NUP58: variants seen among roughly 807,000 people sequenced by gnomAD.
The protein encoded by NUP58 is nucleoporin p58/p45.
A neutral mutation model predicts 70.1 loss-of-function variants in NUP58; 17 were observed. The observed-to-expected ratio is 0.24, with a 90% CI of 0.17 to 0.36. The LOEUF (loss-of-function observed/expected upper bound fraction) is 0.36, where lower values mean the gene tolerates loss of function less well. NUP58 is among the 10% of genes least tolerant of loss of function. NUP58 has a pLI of 1.00. For missense variants in NUP58, 644 were observed against 701.5 expected, an observed-to-expected ratio of 0.92 and a Z score of 0.93; for synonymous variants, 275 against 257.6, an observed-to-expected ratio of 1.07 and a Z score of -0.65.
At chr13:25,335,699 C>T in intron 13 of NUP58, 1 of 984,336 alleles carries the variant, frequency 1.0e-6, no homozygotes, top group South Asian at 4.7e-5. Context: ...AAATGTAGTT[C>T]CTCGGTTGTT....
At chr13:25,314,223 G>A (rs2030819630) in intron 5 of NUP58, among the ~76,000 whole-genome samples, 1 of 152,038 alleles carries the variant, frequency 6.6e-6, no homozygotes, top group Non-Finnish European at 1.5e-5. Context: ...GTAAGCCACC[G>A]CACCCAGCCT....
chr13:25,331,716 C>G (rs61177555), intron 13 of NUP58, 158 bp downstream of exon 13: 43 of 1,434,878 alleles, frequency 3.0e-5, no homozygotes, highest in Middle Eastern at 2.4e-4. Context: ...ATAAACATAC[C>G]TGATAAAAAA....
chr13:25,338,810 C>T, intron 15 of NUP58, 79 bp downstream of exon 15: 5 of 1,273,484 alleles, frequency 3.9e-6, no homozygotes, highest in Non-Finnish European at 5.6e-6. Flanking sequence ...TTGTTATTTC[C>T]AGTAACCCAA....
intron 6 of NUP58, among the ~76,000 whole-genome samples, chr13:25,317,537 T>A (rs931492447): frequency 2.0e-5 from 3 of 152,130 alleles, no homozygotes; most frequent in African/African-American, 7.2e-5. Context: ...AAGTTTTTTT[T>A]ATATACATGT....
intron 1 of NUP58, chr13:25,303,280 G>GGGGACTCATCTTGAGC (rs1183613452): frequency 2.7e-6 from 1 of 367,146 alleles, no homozygotes; most frequent in African/African-American, 2.1e-5. Flanking sequence ...TGGAACCTCT[G>GGGGACTCATCTTGAGC]GGGACTCATC....
At chr13:25,344,249 TATGTC>T (rs574530604), downstream of NUP58, among the ~76,000 whole-genome samples, 712 of 152,298 alleles carry the variant, frequency 4.7e-3, 5 homozygotes, top group African/African-American at 0.017. Flanking sequence ...TCCTGAGAGA[TATGTC>T]TAGTCAGCTG....
intron 12 of NUP58, among the ~76,000 whole-genome samples, chr13:25,329,074 ATTT>A (rs2031509778): frequency 6.6e-6 from 1 of 152,192 alleles, no homozygotes; most frequent in African/African-American, 2.4e-5. Flanking sequence ...TAAAGGAGGA[ATTT>A]TATCAGATTT....
chr13:25,331,994 A>G (rs2031624337), intron 13 of NUP58: 10 of 1,017,160 alleles, frequency 9.8e-6, no homozygotes, highest in Non-Finnish European at 1.2e-5. Context: ...AGTGATTACA[A>G]AGTACCCACA....
chr13:25,313,325 A>G (rs1470536377), intron 4 of NUP58, among the ~76,000 whole-genome samples: 2 of 152,208 alleles, frequency 1.3e-5, no homozygotes, highest in East Asian at 3.8e-4. Flanking sequence ...CTTATGATTC[A>G]TTTAATATGA....
At chr13:25,319,505 T>C (rs1229035511) in intron 7 of NUP58, among the ~76,000 whole-genome samples, 155 bp downstream of exon 7, 1 of 152,160 alleles carries the variant, frequency 6.6e-6, no homozygotes, top group African/African-American at 2.4e-5. Flanking sequence ...AATAGACGTA[T>C]GTTCTGGTAA....
At chr13:25,307,213 T>TGTA (rs2030410736) in intron 1 of NUP58, among the ~76,000 whole-genome samples, 1 of 137,868 alleles carries the variant, frequency 7.3e-6, no homozygotes, top group Non-Finnish European at 1.6e-5. Flanking sequence ...GGTATTGTAT[T>TGTA]TTTTTTTTTT....
At chr13:25,347,554 C>G (rs1265018054) in intron 3 of NUP58, among the ~76,000 whole-genome samples, 1 of 152,238 alleles carries the variant, frequency 6.6e-6, no homozygotes, top group Admixed American at 6.5e-5. Context: ...AGTCTCAGTG[C>G]TCCAACGTTT....
rs1214650685 is a variant in NUP58, at chr13:25,341,827, TA to T, written c.*1695del. ...TTTTTTATATAAAAGGTTTTGTATATAATGTGTGTCAGTGACTATTTTCAAA... is the reference window on the plus strand; with the variant it reads ...TTTTTTATATAAAAGGTTTTGTATATATGTGTGTCAGTGACTATTTTCAAA... On this transcript the variant is annotated 3_prime_UTR_variant, in exon 16 of 16. Transcript: ENST00000381736. The T allele has an allele frequency of 6.5e-6, 1 of 152,674 alleles. No homozygotes were observed. Among genetic ancestry groups the T allele is most frequent in the Non-Finnish European group, 1.5e-5 (1 of 68,042 alleles). The allele number at this position is 152,674 out of a possible 1,614,324, so 9.5% of individuals were successfully genotyped here.
intron 13 of NUP58, chr13:25,334,816 A>G (rs2031726000): frequency 1.0e-6 from 1 of 984,530 alleles, no homozygotes; most frequent in African/African-American, 1.7e-5. Flanking sequence ...GTGTGAATAT[A>G]TTATATGGTA....
At chr13:25,311,518 G>A (rs1339763081) in intron 3 of NUP58, among the ~76,000 whole-genome samples, 5 of 151,938 alleles carry the variant, frequency 3.3e-5, no homozygotes, top group Non-Finnish European at 7.4e-5. Flanking sequence ...TGGGATTACA[G>A]GCATGCGCCA....
chr13:25,319,409 G>T lies in NUP58; in HGVS notation c.710+59G>T, dbSNP rs76415308. The T allele has an allele frequency of 7.3e-4, 1,058 of 1,450,604 alleles. 9 individuals carry two copies. The African/African-American group carries it at 0.013, about 18-fold the overall frequency. The allele number at this position is 1,450,604 out of a possible 1,614,324, so 89.9% of individuals were successfully genotyped here. A position where few individuals can be genotyped will look rare whatever the true frequency, so the allele number is the denominator to read the frequency against. ...ATTGAAGAGTTTAACTTATTAAATTGTAGGCAGATGGTATAATTGAAAGTA... is the reference window on the plus strand; with the variant it reads ...ATTGAAGAGTTTAACTTATTAAATTTTAGGCAGATGGTATAATTGAAAGTA... On this transcript the variant is annotated intron_variant, in intron 7 of 15. Transcript: ENST00000381736.
downstream of NUP58, among the ~76,000 whole-genome samples, chr13:25,346,156 T>G (rs2137855316): frequency 6.6e-6 from 1 of 152,334 alleles, no homozygotes; most frequent in South Asian, 2.1e-4. Flanking sequence ...GGATATTGTC[T>G]ATACTCAATA....
At chr13:25,330,522 AT>A (rs2031564735) in intron 12 of NUP58, among the ~76,000 whole-genome samples, 1 of 152,248 alleles carries the variant, frequency 6.6e-6, no homozygotes, top group Non-Finnish European at 1.5e-5. Flanking sequence ...TGTAAGAAAT[AT>A]GAAAAATCTG....
intron 13 of NUP58, chr13:25,333,235 T>C (rs1176104117): frequency 1.0e-6 from 1 of 985,316 alleles, no homozygotes; most frequent in Non-Finnish European, 1.2e-6. Context: ...TGTGTGTTCA[T>C]TCTCTAAATG....
Sources: allele counts gnomAD v4.1 joint callset (sites outside exome capture counted in the v4.1 genomes callset), GRCh38; gene constraint gnomAD v4.1.1; transcripts MANE v1.5; gene names NCBI Gene and HGNC (gene_info 2026-07-23, HGNC 2026-07-21).